RUBCN: variants seen among roughly 807,000 people sequenced by gnomAD.
RUBCN encodes run domain Beclin-1-interacting and cysteine-rich domain-containing protein.
In RUBCN, 74 loss-of-function variants were observed where a neutral mutation model predicts 113.2. That is an observed-to-expected ratio of 0.65 (90% confidence interval 0.54 to 0.79). RUBCN has a LOEUF of 0.79. Ranked by LOEUF, RUBCN falls within the 30% of genes least tolerant of loss-of-function variation. The pLI is 0.00. For missense variants in RUBCN, 1,109 were observed against 1,251.7 expected (o/e 0.89, Z 1.72); for synonymous variants, 480 against 490.0 (o/e 0.98, Z 0.27).
At chr3:197,710,382 C>A (rs1159573346) in intron 2 of RUBCN, among the ~76,000 whole-genome samples, 4 of 152,036 alleles carry the variant, frequency 2.6e-5, no homozygotes, top group African/African-American at 9.7e-5. Context: ...GGGTGGATCA[C>A]CTGAGGTCAG....
chr3:197,698,867 A>G (rs1265155253), intron 7 of RUBCN, among the ~76,000 whole-genome samples: 1 of 151,700 alleles, frequency 6.6e-6, no homozygotes, highest in Non-Finnish European at 1.5e-5. Flanking sequence ...AAAATTTAAA[A>G]AAAGAAAAAA....
At chr3:197,704,785 G>T (rs1291490552) in intron 3 of RUBCN, 84 bp from the exon 4 acceptor site, 3 of 1,390,024 alleles carry the variant, frequency 2.2e-6, no homozygotes, top group Non-Finnish European at 2.0e-6. Flanking sequence ...GAACTAAATT[G>T]AGACAGGTAA....
chr3:197,736,175 C>T (rs1416889538), intron 1 of RUBCN, among the ~76,000 whole-genome samples: 2 of 152,170 alleles, frequency 1.3e-5, no homozygotes. Context: ...TCCCCATGCT[C>T]ATCTCTGCCT....
At chr3:197,708,137 C>T (rs1724527240) in intron 2 of RUBCN, among the ~76,000 whole-genome samples, 1 of 151,388 alleles carries the variant, frequency 6.6e-6, no homozygotes, top group Non-Finnish European at 1.5e-5. Flanking sequence ...AATATGTAAA[C>T]AATTTTTTTT....
chr3:197,745,705 C>A (rs1728714823), intron 1 of RUBCN, among the ~76,000 whole-genome samples: 2 of 151,666 alleles, frequency 1.3e-5, no homozygotes, highest in African/African-American at 4.8e-5. Flanking sequence ...GATTTCTGTG[C>A]ACATTATGAA....
At chr3:197,728,273 C>T (rs1033207428) in intron 1 of RUBCN, among the ~76,000 whole-genome samples, 2 of 152,218 alleles carry the variant, frequency 1.3e-5, no homozygotes, top group Non-Finnish European at 2.9e-5. Context: ...AAGCTTCAGG[C>T]TTAGAGTCCT....
At chr3:197,729,804 C>T (rs1727213561) in intron 1 of RUBCN, among the ~76,000 whole-genome samples, 1 of 152,156 alleles carries the variant, frequency 6.6e-6, no homozygotes. Flanking sequence ...GGTGACCCAC[C>T]CACCTCAGCC....
intron 1 of RUBCN, among the ~76,000 whole-genome samples, chr3:197,720,079 T>C (rs533193279): frequency 6.6e-6 from 1 of 152,136 alleles, no homozygotes; most frequent in East Asian, 1.9e-4. Flanking sequence ...TCCATGCCCT[T>C]CTCCCGCCTT....
upstream of RUBCN, among the ~76,000 whole-genome samples, chr3:197,737,925 G>C (rs1432991073): frequency 5.3e-5 from 8 of 152,162 alleles, no homozygotes; most frequent in Admixed American, 5.2e-4. Flanking sequence ...GTCTCTCTCT[G>C]TCGCCCAGGC....
chr3:197,694,298 AC>A (rs761959707), intron 10 of RUBCN, 76 bp downstream of exon 10: 18 of 1,220,006 alleles, frequency 1.5e-5, no homozygotes, highest in Non-Finnish European at 2.1e-5. Context: ...CAGCAGAGGA[AC>A]CACTGGTTTG....
chr3:197,746,198 C>G (rs1728737970), intron 1 of RUBCN, among the ~76,000 whole-genome samples: 1 of 152,236 alleles, frequency 6.6e-6, no homozygotes, highest in South Asian at 2.1e-4. Flanking sequence ...CAGCACAAAG[C>G]TTGAGGATAG....
chr3:197,711,714 G>A (rs745832476), intron 2 of RUBCN, among the ~76,000 whole-genome samples: 1 of 152,014 alleles, frequency 6.6e-6, no homozygotes, highest in Non-Finnish European at 1.5e-5. Context: ...AAGGAAACTA[G>A]TAAATGGTAG....
chr3:197,735,078 A>G (rs1727964246), intron 1 of RUBCN, among the ~76,000 whole-genome samples: 1 of 152,192 alleles, frequency 6.6e-6, no homozygotes, highest in Non-Finnish European at 1.5e-5. Context: ...GACCATCATT[A>G]TATCTGAAAC....
chr3:197,724,571 G>A (rs1333064161), intron 1 of RUBCN, among the ~76,000 whole-genome samples: 3 of 152,128 alleles, frequency 2.0e-5, no homozygotes, highest in Non-Finnish European at 4.4e-5. Context: ...TCTTTATCTG[G>A]GACAGGCCCA....
At position 197,681,207 on chromosome 3, in the gene RUBCN, G is replaced by A; in HGVS notation, c.2352C>T (p.Ile784=). 1.2e-6 allele frequency: 2 copies of A among 1,614,160 alleles called. No homozygotes were observed. The highest frequency in any genetic ancestry group is 1.7e-6 in the Non-Finnish European group (2 of 1,179,998). The part of the protein sequence containing the change: ...SNFSKDLLIK[I]WNDPLFNVQD... ...GCACGTTGAAGAGAGGATCATTCCAGATCTTAATGAGCAGGTCCTTGGAGA... is the reference window on the plus strand; with the variant it reads ...GCACGTTGAAGAGAGGATCATTCCAAATCTTAATGAGCAGGTCCTTGGAGA... The change falls in exon 16 of 20, where the codon ATC becomes ATT. Residue 784 remains isoleucine, a synonymous_variant. Transcript: ENST00000296343. This position sits in a 1 kb window ranked among gnomAD's most constrained non-coding sequence, Gnocchi z 5.5.
rs1460320700 is a variant in RUBCN at position 197,673,951 on chromosome 3, G to C, written c.*1067C>G. ...TGACCAAAGAAGCTAAGGCAAGAGAGACTCGGCCACCAGGGAAGGACCCAG... is the reference window on the plus strand; with the variant it reads ...TGACCAAAGAAGCTAAGGCAAGAGACACTCGGCCACCAGGGAAGGACCCAG... On this transcript the variant is annotated 3_prime_UTR_variant, in exon 20 of 20. Coordinates refer to ENST00000296343, the MANE Select transcript of RUBCN (RefSeq NM_014687.4). The C allele has an allele frequency of 6.6e-6, 1 of 152,366 alleles. No individual in the cohort carries two copies. Among genetic ancestry groups the C allele is most frequent in the African/African-American group, 2.4e-5 (1 of 41,458 alleles). 9.4% of individuals were successfully genotyped at this position (152,366 alleles called of 1,614,324 possible). A position where few individuals can be genotyped will look rare whatever the true frequency, so the allele number is the denominator to read the frequency against.
At chr3:197,682,435 C>A in intron 14 of RUBCN, 35 bp downstream of exon 14, 1 of 1,613,676 alleles carries the variant, frequency 6.2e-7, no homozygotes, top group Non-Finnish European at 8.5e-7. Flanking sequence ...GAGGACGGAT[C>A]TGTGCTCCAA....
At chr3:197,682,952 C>T (rs1392330623) in intron 13 of RUBCN, among the ~76,000 whole-genome samples, 1 of 152,220 alleles carries the variant, frequency 6.6e-6, no homozygotes, top group African/African-American at 2.4e-5. Context: ...TCCCTGCACC[C>T]ATCCCAGGAC....
Position 197,701,857 on chromosome 3 carries a change from C to A in RUBCN, c.578G>T (p.Arg193Ile), listed in dbSNP as rs1211934934. The A allele has an allele frequency of 6.8e-6, 11 of 1,614,082 alleles. No individual in the cohort carries two copies. Among genetic ancestry groups the A allele is most frequent in the Non-Finnish European group, 9.3e-6 (11 of 1,180,014 alleles). Reference protein sequence around the residue: ...LAQIDASMFARKHESPLLVTK... With the variant: ...LAQIDASMFAIKHESPLLVTK... Reference sequence around the variant, plus strand: ...CACCAGGAGCGGGCTCTCGTGCTTTCTGGCAAACTAAAAAGCAAAACAAAA... The same window carrying A: ...CACCAGGAGCGGGCTCTCGTGCTTTATGGCAAACTAAAAAGCAAAACAAAA... The change falls in exon 6 of 20, where the codon AGA becomes ATA. Residue 193 changes from arginine to isoleucine, a missense_variant. Transcript: ENST00000296343.
Sources: gnomAD v4.1 joint callset for allele counts (sites outside exome capture counted in the v4.1 genomes callset) on GRCh38, gnomAD v4.1.1 for gene constraint, Gnocchi (gnomAD v3.1) non-coding constraint, MANE v1.5 for transcripts, NCBI Gene and HGNC (gene_info 2026-07-23, HGNC 2026-07-21) for gene names.